Variants in PRKAG2 observed in about 807,000 individuals in gnomAD.
PRKAG2 encodes the protein 5'-AMP-activated protein kinase subunit gamma-2.
PRKAG2 carries 26 observed loss-of-function variants against 69.6 expected under a neutral mutation model. The ratio of observed to expected loss-of-function variants is 0.37; its 90% CI spans 0.27 to 0.52. PRKAG2 has a LOEUF of 0.52. Among genes scored for constraint, PRKAG2 ranks in the 20% least tolerant of loss-of-function variants. PRKAG2 has a pLI of 0.90. For missense variants in PRKAG2, 557 were observed against 740.0 expected (o/e 0.75, Z 2.87); for synonymous variants, 293 against 285.0 (o/e 1.03, Z -0.28).
At chr7:151,740,758 C>T (rs1014491626) in intron 3 of PRKAG2, among the ~76,000 whole-genome samples, 7 of 152,118 alleles carry the variant, frequency 4.6e-5, no homozygotes, top group South Asian at 4.1e-4. Flanking sequence ...TGGCCCTGCC[C>T]GGAGAAGGGG....
At chr7:151,674,885 T>C in intron 4 of PRKAG2, 1 of 167,948 alleles carries the variant, frequency 6.0e-6, no homozygotes, top group Non-Finnish European at 1.3e-5. Context: ...CTCCTCCTGG[T>C]CATGTCCCAG....
chr7:151,795,890 T>TATATATATATATATATATATAA (rs1491286413), intron 1 of PRKAG2, among the ~76,000 whole-genome samples: 9 of 96,604 alleles, frequency 9.3e-5, no homozygotes, highest in Admixed American at 3.8e-4. Flanking sequence ...TATATATATA[T>TATATATATATATATATATATAA]CACGATAATA....
At chr7:151,604,860 A>T (rs914116135) in intron 5 of PRKAG2, among the ~76,000 whole-genome samples, 21 of 152,092 alleles carry the variant, frequency 1.4e-4, no homozygotes, top group African/African-American at 5.1e-4. Flanking sequence ...TGAAGTTCTG[A>T]TGAGGCACTT....
chr7:151,824,631 CCT>C (rs1338330942), intron 1 of PRKAG2, among the ~76,000 whole-genome samples: 1 of 152,144 alleles, frequency 6.6e-6, no homozygotes, highest in African/African-American at 2.4e-5. Context: ...CTGTCTGACA[CCT>C]CTCTCCTGCT....
At chr7:151,711,805 C>T (rs1014520219) in intron 3 of PRKAG2, among the ~76,000 whole-genome samples, 1 of 152,186 alleles carries the variant, frequency 6.6e-6, no homozygotes, top group Non-Finnish European at 1.5e-5. Flanking sequence ...TCCTGAGAGC[C>T]GCTAGCCTGT....
intron 6 of PRKAG2, among the ~76,000 whole-genome samples, chr7:151,579,994 GGTT>G (rs1452393476): frequency 6.6e-6 from 1 of 152,148 alleles, no homozygotes; most frequent in Non-Finnish European, 1.5e-5. Context: ...GGCAAAGTAA[GGTT>G]TTTTGGATTA....
intron 8 of PRKAG2, among the ~76,000 whole-genome samples, chr7:151,574,258 A>G (rs1004866051): frequency 2.0e-5 from 3 of 152,190 alleles, no homozygotes; most frequent in Non-Finnish European, 4.4e-5. Flanking sequence ...ATGAACAAAC[A>G]AACAGAAACT....
chr7:151,813,694 C>T (rs942491875), intron 1 of PRKAG2, among the ~76,000 whole-genome samples: 4 of 152,110 alleles, frequency 2.6e-5, no homozygotes, highest in African/African-American at 9.7e-5. Flanking sequence ...GGTGACAGCC[C>T]ACGGTTCAGC....
intron 6 of PRKAG2, among the ~76,000 whole-genome samples, chr7:151,577,056 G>T (rs1272729247): frequency 4.0e-5 from 6 of 151,356 alleles, no homozygotes; most frequent in Non-Finnish European, 8.8e-5. Context: ...CCATACAAAA[G>T]AATTAAACTT....
chr7:151,676,272 G>A (rs1003832450), intron 3 of PRKAG2, among the ~76,000 whole-genome samples: 5 of 149,814 alleles, frequency 3.3e-5, no homozygotes, highest in African/African-American at 1.2e-4. Context: ...GGGAGGGGAG[G>A]GGAGGGGAGG....
At chr7:151,860,170 CTA>C (rs1284839040) in intron 1 of PRKAG2, among the ~76,000 whole-genome samples, 1 of 152,216 alleles carries the variant, frequency 6.6e-6, no homozygotes, top group East Asian at 1.9e-4. Flanking sequence ...TAACCAGCAG[CTA>C]TGATATGCCC....
chr7:151,852,014 C>CCT lies in PRKAG2; in HGVS notation c.114+24492_114+24493insAG, dbSNP rs146814444. Among the ~76,000 whole-genome samples, 693 of 152,252 alleles carry CCT rather than the reference C, an allele frequency of 4.6e-3. 8 individuals are homozygous for CCT. The highest frequency in any genetic ancestry group is 0.032 in the South Asian group (154 of 4,814). On this transcript the variant is annotated intron_variant, in intron 1 of 15. Transcript: ENST00000287878. ...ACGGGTGGCAAGCTCTCGCCTGTCC[C>CCT]GTGCCTGCTCCGTCCCATGTCTGGA...
rs77543369 is a variant in PRKAG2 at position 151,744,141 on chromosome 7, C to T, written c.466+37011G>A. On this transcript the variant is annotated intron_variant, in intron 3 of 15. Coordinates refer to ENST00000287878, the MANE Select transcript of PRKAG2 (RefSeq NM_016203.4). ...CACCCTTCCACAAGAGACACAATGG[C>T]GCTCCTGTGGCTCTGATATGTAACC... Among the ~76,000 whole-genome samples the T allele has an allele frequency of 7.9e-3, 1,209 of 152,296 alleles. 77 individuals are homozygous for T. In the East Asian group the frequency reaches 0.15, roughly 19 times the overall value.
At chr7:151,820,592 CGG>C (rs2078745735) in intron 1 of PRKAG2, among the ~76,000 whole-genome samples, 3 of 115,682 alleles carry the variant, frequency 2.6e-5, no homozygotes, top group South Asian at 3.6e-4. Flanking sequence ...ACACTCTACT[CGG>C]AACACCGCTC....
At chr7:151,631,810 G>T (rs79683643) in intron 5 of PRKAG2, 1 of 494,210 alleles carries the variant, frequency 2.0e-6, no homozygotes, top group Admixed American at 2.3e-5. Context: ...AGGGCCGCCC[G>T]TCCGTGTGGA....
At chr7:151,725,104 C>T (rs965794156) in intron 3 of PRKAG2, among the ~76,000 whole-genome samples, 4 of 152,060 alleles carry the variant, frequency 2.6e-5, no homozygotes, top group Non-Finnish European at 5.9e-5. Context: ...ATCCCCCTAC[C>T]GTGTGATGAT....
rs1224096325 is a variant in PRKAG2 at position 151,638,517 on chromosome 7, C to G, written c.685-6379G>C. Among the ~76,000 whole-genome samples the G allele has an allele frequency of 6.6e-6, 1 of 152,010 alleles. No individual in the cohort carries two copies. Among genetic ancestry groups the G allele is most frequent in the Non-Finnish European group, 1.5e-5 (1 of 68,012 alleles). On this transcript the variant is annotated intron_variant, in intron 4 of 15. Transcript: ENST00000287878. The surrounding 1 kb of genome is among the most constrained non-coding windows in gnomAD (Gnocchi z 4.3). ...GGCATGGTTGCGCACACCTGTAGTC[C>G]CAGCTACTCGGGAGGCTGAGGCAGG...
At chr7:151,782,329 GAAGGA>G (rs2076727327) in intron 2 of PRKAG2, among the ~76,000 whole-genome samples, 1 of 50,786 alleles carries the variant, frequency 2.0e-5, no homozygotes, top group African/African-American at 8.5e-5. Context: ...AGGAAGGAAG[GAAGGA>G]AGGAAGGAGG....
In PRKAG2 at chr7:151,716,040, G is replaced by A. The variant is rs948943698; in HGVS notation, c.467-40403C>T. On this transcript the variant is annotated intron_variant, in intron 3 of 15. Coordinates refer to ENST00000287878, the MANE Select transcript of PRKAG2 (RefSeq NM_016203.4). ...GTGGGTGTGTGCAGGGATGGAGCTCGATTGCCCTTGAGTTTGTAGTCTGGG... is the reference window on the plus strand; with the variant it reads ...GTGGGTGTGTGCAGGGATGGAGCTCAATTGCCCTTGAGTTTGTAGTCTGGG... Among the ~76,000 whole-genome samples the A allele has an allele frequency of 3.3e-5, 5 of 152,190 alleles. No individual in the cohort carries two copies. The East Asian group carries it at 5.8e-4, about 18-fold the overall frequency.
Sources: gnomAD v4.1 joint callset for allele counts (sites outside exome capture counted in the v4.1 genomes callset) on GRCh38, gnomAD v4.1.1 for gene constraint, Gnocchi (gnomAD v3.1) non-coding constraint, MANE v1.5 for transcripts, NCBI Gene and HGNC (gene_info 2026-07-23, HGNC 2026-07-21) for gene names.